Variants in NKAIN3 observed in about 807,000 individuals in gnomAD.
NKAIN3 encodes the protein sodium/potassium-transporting ATPase subunit beta-1-interacting protein 3.
Under a neutral mutation model 30.2 loss-of-function variants are expected in NKAIN3, and 25 were observed. The ratio of observed to expected loss-of-function variants is 0.83; its 90% CI spans 0.60 to 1.16. NKAIN3 has a LOEUF of 1.16. NKAIN3 is among the 50% of genes most tolerant of loss of function. The pLI is 0.00. For missense variants in NKAIN3, 225 were observed against 254.1 expected (o/e 0.89, Z 0.78); for synonymous variants, 91 against 89.6 (o/e 1.02, Z -0.09).
intron 1 of NKAIN3, among the ~76,000 whole-genome samples, chr8:62,500,244 T>C (rs1026064688): frequency 6.6e-6 from 1 of 152,102 alleles, no homozygotes; most frequent in Non-Finnish European, 1.5e-5. Flanking sequence ...ACCCAAATAT[T>C]CTGTCTATAA....
At chr8:62,428,887 GA>G (rs147169049) in intron 1 of NKAIN3, among the ~76,000 whole-genome samples, 4 of 151,698 alleles carry the variant, frequency 2.6e-5, no homozygotes, top group Non-Finnish European at 4.4e-5. Flanking sequence ...AGGTCTTACA[GA>G]AAAAAATATT....
intron 1 of NKAIN3, among the ~76,000 whole-genome samples, chr8:62,391,728 G>T (rs1446425304): frequency 1.3e-5 from 2 of 152,028 alleles, no homozygotes; most frequent in African/African-American, 2.4e-5. Flanking sequence ...GATCACGATG[G>T]ATAATAAGAA....
intron 1 of NKAIN3, among the ~76,000 whole-genome samples, chr8:62,487,115 A>T (rs549618001): frequency 5.8e-4 from 88 of 152,336 alleles, no homozygotes; most frequent in African/African-American, 2.0e-3. Flanking sequence ...TAAAGGCCTG[A>T]ACATTTAAAA....
intron 5 of NKAIN3, among the ~76,000 whole-genome samples, chr8:62,995,636 A>G (rs1804094402): frequency 6.6e-6 from 1 of 152,098 alleles, no homozygotes; most frequent in Non-Finnish European, 1.5e-5. Flanking sequence ...GGAAGAAGGA[A>G]AGGTAGGTTG....
At chr8:62,303,469 T>G (rs1814123414) in intron 1 of NKAIN3, among the ~76,000 whole-genome samples, 1 of 150,706 alleles carries the variant, frequency 6.6e-6, no homozygotes, top group Admixed American at 6.6e-5. Flanking sequence ...ATGATGCTAA[T>G]TGCAGAATAG....
At chr8:62,556,592 A>G (rs1809398668) in intron 1 of NKAIN3, among the ~76,000 whole-genome samples, 1 of 151,922 alleles carries the variant, frequency 6.6e-6, no homozygotes. Context: ...GAAAGTATGC[A>G]ATTGAAAGTA....
chr8:62,455,208 C>G (rs1805775351), intron 1 of NKAIN3, among the ~76,000 whole-genome samples: 1 of 152,162 alleles, frequency 6.6e-6, no homozygotes, highest in African/African-American at 2.4e-5. Context: ...TAGCTCTGTT[C>G]TACGAAAAGA....
chr8:62,554,097 T>C (rs1809309909), intron 1 of NKAIN3, among the ~76,000 whole-genome samples: 1 of 152,194 alleles, frequency 6.6e-6, no homozygotes, highest in Admixed American at 6.5e-5. Context: ...GATACTTTTC[T>C]TTGTAATTCC....
chr8:62,275,949 C>CT (rs1439127896), intron 1 of NKAIN3, among the ~76,000 whole-genome samples: 2 of 152,062 alleles, frequency 1.3e-5, no homozygotes, highest in Non-Finnish European at 2.9e-5. Context: ...CTCAGGGTAT[C>CT]TTTTTTTGGT....
At chr8:62,594,848 C>T (rs1435177532) in intron 3 of NKAIN3, among the ~76,000 whole-genome samples, 2 of 151,292 alleles carry the variant, frequency 1.3e-5, no homozygotes, top group South Asian at 2.1e-4. Context: ...CCTTTCCTTT[C>T]CTTTCCCTTC....
At chr8:62,441,957 C>CT (rs945167335) in intron 1 of NKAIN3, among the ~76,000 whole-genome samples, 8 of 151,790 alleles carry the variant, frequency 5.3e-5, no homozygotes, top group Non-Finnish European at 1.0e-4. Context: ...TTTCATCCCC[C>CT]TTTTTTTGCA....
At chr8:62,345,190 T>G (rs78990231) in intron 1 of NKAIN3, among the ~76,000 whole-genome samples, 5,879 of 151,506 alleles carry the variant, frequency 0.039, 411 homozygotes, top group African/African-American at 0.14. Flanking sequence ...TATTTATTAA[T>G]TAAAACGGTT....
intron 1 of NKAIN3, among the ~76,000 whole-genome samples, chr8:62,371,636 A>C (rs1816911164): frequency 6.6e-6 from 1 of 151,904 alleles, no homozygotes; most frequent in Non-Finnish European, 1.5e-5. Flanking sequence ...TCTGTTTTGT[A>C]ATAATTTCAT....
intron 4 of NKAIN3, among the ~76,000 whole-genome samples, chr8:62,908,163 C>T (rs1254303903): frequency 6.6e-6 from 1 of 152,170 alleles, no homozygotes; most frequent in East Asian, 1.9e-4. Flanking sequence ...GCTTACTGCC[C>T]TGCTGGATTT....
chr8:62,290,062 G>A (rs6472002), intron 1 of NKAIN3, among the ~76,000 whole-genome samples: 9,455 of 152,032 alleles, frequency 0.062, 981 homozygotes, highest in African/African-American at 0.21. Context: ...TTGGTGTATA[G>A]GAATGCTTGT....
chr8:62,858,901 C>T (rs1820148055), intron 4 of NKAIN3, among the ~76,000 whole-genome samples: 2 of 152,168 alleles, frequency 1.3e-5, no homozygotes, highest in Non-Finnish European at 2.9e-5. Context: ...GGTTCAGCCC[C>T]CTTCCTAGGG....
intron 4 of NKAIN3, among the ~76,000 whole-genome samples, chr8:62,883,673 T>C (rs889533415): frequency 1.3e-5 from 2 of 152,086 alleles, no homozygotes; most frequent in Middle Eastern, 3.4e-3. Flanking sequence ...TCATCAAATA[T>C]GATGTTAGCT....
chr8:62,729,052 A>AAAAAAAC (rs1815382295), intron 3 of NKAIN3, among the ~76,000 whole-genome samples: 2 of 138,382 alleles, frequency 1.4e-5, no homozygotes, highest in Admixed American at 7.3e-5. Context: ...AAAAAAAAAA[A>AAAAAAAC]CCTCCTGCTC....
At chr8:62,827,708 A>T (rs1052863071) in intron 4 of NKAIN3, among the ~76,000 whole-genome samples, 4 of 152,138 alleles carry the variant, frequency 2.6e-5, no homozygotes, top group Non-Finnish European at 5.9e-5. Flanking sequence ...TTTTAAAACA[A>T]ATAAGAGTAG....
Sources: allele counts gnomAD v4.1 joint callset (sites outside exome capture counted in the v4.1 genomes callset), GRCh38; gene constraint gnomAD v4.1.1; transcripts MANE v1.5; gene names NCBI Gene and HGNC (gene_info 2026-07-23, HGNC 2026-07-21).